The following PDGFD variants were observed in gnomAD, a reference collection of about 807,000 sequenced individuals.
PDGFD encodes platelet-derived growth factor D.
In PDGFD, 30 loss-of-function variants were observed where a neutral mutation model predicts 44.7. The ratio of observed to expected loss-of-function variants is 0.67; its 90% CI spans 0.50 to 0.91. PDGFD has a LOEUF of 0.91. Ranked by LOEUF, PDGFD falls within the 40% of genes least tolerant of loss-of-function variation. PDGFD has a pLI of 0.00. For missense variants in PDGFD, 445 were observed against 457.8 expected (o/e 0.97, Z 0.25); for synonymous variants, 173 against 168.4 (o/e 1.03, Z -0.21).
At chr11:104,095,417 T>C (rs1861270548) in intron 1 of PDGFD, among the ~76,000 whole-genome samples, 1 of 152,106 alleles carries the variant, frequency 6.6e-6, no homozygotes, top group South Asian at 2.1e-4. Context: ...TAGGCAGCTC[T>C]CTCAACCCTA....
chr11:104,094,664 G>A (rs974177719), intron 1 of PDGFD, among the ~76,000 whole-genome samples: 3 of 151,950 alleles, frequency 2.0e-5, no homozygotes, highest in Non-Finnish European at 4.4e-5. Context: ...AACTATACAC[G>A]TATATACAAA....
At chr11:104,089,826 T>G (rs1295635657) in intron 1 of PDGFD, among the ~76,000 whole-genome samples, 1 of 151,932 alleles carries the variant, frequency 6.6e-6, no homozygotes, top group African/African-American at 2.4e-5. Flanking sequence ...CATAATCAAT[T>G]AGTCACAACA....
chr11:104,134,619 A>G (rs920308540), intron 1 of PDGFD, among the ~76,000 whole-genome samples: 1 of 152,036 alleles, frequency 6.6e-6, no homozygotes, highest in African/African-American at 2.4e-5. Context: ...CCAATGTGTC[A>G]GGTCATGTGC....
chr11:103,915,082 G>A (rs1308282110), intron 6 of PDGFD, among the ~76,000 whole-genome samples: 3 of 152,126 alleles, frequency 2.0e-5, no homozygotes, highest in African/African-American at 4.8e-5. Flanking sequence ...AGATACTATT[G>A]GAAGTTCTGG....
chr11:104,118,252 C>T (rs559372509), intron 1 of PDGFD, among the ~76,000 whole-genome samples: 1 of 151,608 alleles, frequency 6.6e-6, no homozygotes, highest in African/African-American at 2.4e-5. Context: ...GAGAGTGGAG[C>T]CCTCATGAAT....
chr11:104,094,405 T>A (rs603781), intron 1 of PDGFD, among the ~76,000 whole-genome samples: 8 of 151,744 alleles, frequency 5.3e-5, no homozygotes, highest in Non-Finnish European at 1.2e-4. Flanking sequence ...ATAATTTATA[T>A]GCCTCAAAAT....
At chr11:104,093,683 G>T (rs543524713) in intron 1 of PDGFD, among the ~76,000 whole-genome samples, 1 of 151,788 alleles carries the variant, frequency 6.6e-6, no homozygotes, top group Admixed American at 6.6e-5. Flanking sequence ...TCTTTACTGA[G>T]AAAACAGAAT....
intron 1 of PDGFD, among the ~76,000 whole-genome samples, chr11:104,084,277 A>G (rs1861089100): frequency 6.6e-6 from 1 of 152,172 alleles, no homozygotes; most frequent in African/African-American, 2.4e-5. Flanking sequence ...AACAGTAGAG[A>G]ACATAGAGCA....
intron 3 of PDGFD, among the ~76,000 whole-genome samples, chr11:103,973,120 C>T (rs574503463): frequency 2.0e-5 from 3 of 148,526 alleles, no homozygotes; most frequent in African/African-American, 4.9e-5. Flanking sequence ...AATGATATAA[C>T]GAAGAAGAAA....
intron 1 of PDGFD, among the ~76,000 whole-genome samples, chr11:104,013,276 G>T (rs537369857): frequency 6.6e-6 from 1 of 152,254 alleles, no homozygotes; most frequent in South Asian, 2.1e-4. Flanking sequence ...CTTCAAGTCT[G>T]TGTGACCTGA....
At chr11:103,964,793 G>GTAAAT (rs775228290) in intron 3 of PDGFD, among the ~76,000 whole-genome samples, 6 of 151,874 alleles carry the variant, frequency 4.0e-5, no homozygotes, top group Non-Finnish European at 7.4e-5. Context: ...TAGGAGTAAG[G>GTAAAT]TACTCATTTA....
intron 5 of PDGFD, among the ~76,000 whole-genome samples, chr11:103,930,794 A>T (rs1025608358): frequency 6.6e-6 from 1 of 152,232 alleles, no homozygotes; most frequent in Non-Finnish European, 1.5e-5. Flanking sequence ...TCACAATGTC[A>T]TTAATACACA....
intron 3 of PDGFD, among the ~76,000 whole-genome samples, chr11:103,962,883 ATAT>A (rs1858961168): frequency 6.6e-6 from 1 of 152,060 alleles, no homozygotes; most frequent in Non-Finnish European, 1.5e-5. Context: ...TCTTTCTAAC[ATAT>A]TATTTTTTTT....
At chr11:103,914,281 T>C (rs189583966) in intron 6 of PDGFD, among the ~76,000 whole-genome samples, 25 of 152,304 alleles carry the variant, frequency 1.6e-4, no homozygotes, top group African/African-American at 5.8e-4. Flanking sequence ...ACATTCTGTA[T>C]TCACGATAAA....
At chr11:103,926,591 T>C (rs1019358043) in intron 6 of PDGFD, among the ~76,000 whole-genome samples, 1 of 152,224 alleles carries the variant, frequency 6.6e-6, no homozygotes, top group Non-Finnish European at 1.5e-5. Flanking sequence ...CATATTTCTC[T>C]TTTTTTCTGT....
In PDGFD at chr11:104,013,064, G is replaced by A. The variant is rs531144434; in HGVS notation, c.125-12809C>T. 1.1e-3 allele frequency among the ~76,000 whole-genome samples: 173 copies of A among 152,274 alleles called. 4 individuals are homozygous for A. In the South Asian group the frequency reaches 0.033, roughly 29 times the overall value. On this transcript the variant is annotated intron_variant, in intron 1 of 6. Transcript: ENST00000393158. ...TGTACCCATAAAAACCCCAAACTCC[G>A]CTGGCAGAGGAGCAGAGCAGTATGG...
intron 1 of PDGFD, among the ~76,000 whole-genome samples, chr11:104,139,415 C>T (rs1230461486): frequency 3.3e-5 from 5 of 152,094 alleles, no homozygotes; most frequent in Admixed American, 2.0e-4. Flanking sequence ...AAGCTGAGCA[C>T]TAACTGCCCC....
chr11:104,072,904 A>G (rs898204763), intron 1 of PDGFD, among the ~76,000 whole-genome samples: 4 of 152,080 alleles, frequency 2.6e-5, no homozygotes, highest in African/African-American at 9.6e-5. Context: ...CATCTTTGAA[A>G]TTCACTTGAT....
At chr11:103,946,646 G>A (rs1174235334) in intron 4 of PDGFD, 1 of 152,198 alleles carries the variant, frequency 6.6e-6, no homozygotes, top group Non-Finnish European at 1.5e-5. Context: ...CAGCATATCT[G>A]CCTTGTGTTG....
Sources: allele counts gnomAD v4.1 joint callset (sites outside exome capture counted in the v4.1 genomes callset), GRCh38; gene constraint gnomAD v4.1.1; transcripts MANE v1.5; gene names NCBI Gene and HGNC (gene_info 2026-07-23, HGNC 2026-07-21).